Variants in ROBO2 observed in about 807,000 individuals in gnomAD.
ROBO2 encodes roundabout guidance receptor 2.
In ROBO2, 53 loss-of-function variants were observed where a neutral mutation model predicts 160.8. The observed-to-expected ratio is 0.33, with a 90% CI of 0.26 to 0.41. ROBO2 has a LOEUF of 0.41. Ranked by LOEUF, ROBO2 falls within the 10% of genes least tolerant of loss-of-function variation. The pLI is 1.00. For synonymous variants in ROBO2, 664 were observed against 611.7 expected (o/e 1.09, Z -1.26); for missense variants, 1,577 against 1,722.4 (o/e 0.92, Z 1.49).
intron 2 of ROBO2, among the ~76,000 whole-genome samples, chr3:76,732,653 A>G (rs146852784): frequency 5.8e-4 from 89 of 152,274 alleles, no homozygotes; most frequent in African/African-American, 2.0e-3. Flanking sequence ...GATGGTTGAC[A>G]GAAGAAAGAA....
At chr3:77,438,168 C>A (rs562965426) in intron 2 of ROBO2, among the ~76,000 whole-genome samples, 1,977 of 151,326 alleles carry the variant, frequency 0.013, 36 homozygotes, top group African/African-American at 0.035. Flanking sequence ...CTGTCTCTCT[C>A]GGCCTCTAGA....
intron 2 of ROBO2, among the ~76,000 whole-genome samples, chr3:76,965,296 T>G (rs1311603222): frequency 6.6e-5 from 10 of 152,256 alleles, no homozygotes; most frequent in Non-Finnish European, 1.2e-4. Flanking sequence ...AGAGGAGCTG[T>G]GCTTTCGCAA....
At chr3:76,021,881 G>C (rs1035949474) in intron 2 of ROBO2, among the ~76,000 whole-genome samples, 2 of 151,238 alleles carry the variant, frequency 1.3e-5, no homozygotes, top group Non-Finnish European at 3.0e-5. Context: ...AATGAAGTTT[G>C]CCACATTGGT....
intron 2 of ROBO2, among the ~76,000 whole-genome samples, chr3:76,744,533 T>C (rs565672652): frequency 6.6e-6 from 1 of 152,090 alleles, no homozygotes; most frequent in South Asian, 2.1e-4. Context: ...CTAATTTTTT[T>C]CAATTTTTAG....
chr3:77,646,023 A>G (rs1198396456), intron 25 of ROBO2, 31 bp from the exon 28 acceptor site: 4 of 1,530,586 alleles, frequency 2.6e-6, no homozygotes, highest in Non-Finnish European at 3.6e-6. Context: ...CTTAATTTAT[A>G]TTTTATTTCT....
chr3:77,104,175 T>C (rs977445515), intron 2 of ROBO2, among the ~76,000 whole-genome samples: 2 of 152,244 alleles, frequency 1.3e-5, no homozygotes, highest in African/African-American at 4.8e-5. Context: ...TTTTCCTCAA[T>C]CCTAAAATAA....
intron 24 of ROBO2, among the ~76,000 whole-genome samples, chr3:77,638,496 G>A (rs2095299684): frequency 6.6e-6 from 1 of 152,074 alleles, no homozygotes; most frequent in Non-Finnish European, 1.5e-5. Context: ...ACTCTGCCAC[G>A]TGGTGTCAAA....
intron 2 of ROBO2, among the ~76,000 whole-genome samples, chr3:77,437,386 G>T (rs1326199402): frequency 6.6e-6 from 1 of 151,878 alleles, no homozygotes; most frequent in Non-Finnish European, 1.5e-5. Context: ...GAAATTTAAT[G>T]TGTCTAGGGT....
intron 2 of ROBO2, among the ~76,000 whole-genome samples, chr3:76,985,438 C>T (rs1357363583): frequency 6.6e-6 from 1 of 151,114 alleles, no homozygotes; most frequent in African/African-American, 2.4e-5. Flanking sequence ...AAAAATTAGC[C>T]GGGCGTGGTG....
At chr3:76,101,823 C>T (rs1387507852) in intron 2 of ROBO2, among the ~76,000 whole-genome samples, 2 of 143,338 alleles carry the variant, frequency 1.4e-5, no homozygotes, top group Admixed American at 1.4e-4. Flanking sequence ...TCCCATTATA[C>T]CCCGGGGTGT....
intron 2 of ROBO2, among the ~76,000 whole-genome samples, chr3:77,342,403 C>T (rs759800964): frequency 6.6e-6 from 1 of 152,092 alleles, no homozygotes; most frequent in East Asian, 1.9e-4. Context: ...AAAAACAGAC[C>T]GTCTTCTCTG....
chr3:76,261,733 T>A (rs1449913040), intron 2 of ROBO2, among the ~76,000 whole-genome samples: 1 of 152,140 alleles, frequency 6.6e-6, no homozygotes, highest in Non-Finnish European at 1.5e-5. Context: ...TGCATTTTTT[T>A]AGTAGATTGT....
At chr3:76,636,671 T>G (rs540045560) in intron 2 of ROBO2, among the ~76,000 whole-genome samples, 1 of 152,202 alleles carries the variant, frequency 6.6e-6, no homozygotes, top group African/African-American at 2.4e-5. Flanking sequence ...GATAAGTCTC[T>G]TATCAAAGTT....
chr3:77,605,180 T>TATATATATAGTATATATATAC (rs2094502749), intron 20 of ROBO2, among the ~76,000 whole-genome samples: 1 of 147,228 alleles, frequency 6.8e-6, no homozygotes, highest in African/African-American at 2.5e-5. Flanking sequence ...AAAAAAAAAG[T>TATATATATAGTATATATATAC]ATATATATAG....
At chr3:76,385,545 A>T (rs1267584759) in intron 2 of ROBO2, among the ~76,000 whole-genome samples, 1 of 152,196 alleles carries the variant, frequency 6.6e-6, no homozygotes, top group African/African-American at 2.4e-5. Flanking sequence ...GAATTGTGTG[A>T]CTTGTATGGA....
exon 11 of ROBO2, chr3:77,563,236 T>C (rs2093382877): frequency 2.5e-6 from 4 of 1,613,512 alleles, no homozygotes; most frequent in African/African-American, 1.3e-5. Flanking sequence ...AAACCGCAGG[T>C]CACTGATGTT....
chr3:75,994,486 T>G (rs934610003), intron 2 of ROBO2, among the ~76,000 whole-genome samples: 1 of 152,130 alleles, frequency 6.6e-6, no homozygotes, highest in African/African-American at 2.4e-5. Flanking sequence ...GTTCTGACGG[T>G]TTTATAAGCA....
chr3:77,051,629 C>T (rs1158614065), intron 1 of ROBO2, among the ~76,000 whole-genome samples: 5 of 152,198 alleles, frequency 3.3e-5, no homozygotes, highest in Admixed American at 6.5e-5. Context: ...TTTGAAGCAG[C>T]GGCTACACAT....
intron 2 of ROBO2, among the ~76,000 whole-genome samples, chr3:77,392,625 G>A (rs886354153): frequency 2.0e-5 from 3 of 152,060 alleles, no homozygotes; most frequent in Non-Finnish European, 2.9e-5. Flanking sequence ...GTCTGCATTA[G>A]CCTTTTAATT....
Sources: allele counts gnomAD v4.1 joint callset (sites outside exome capture counted in the v4.1 genomes callset), GRCh38; gene constraint gnomAD v4.1.1; transcripts MANE v1.5; gene names NCBI Gene and HGNC (gene_info 2026-07-23, HGNC 2026-07-21).